Variants in PPP1R14D observed in about 807,000 individuals in gnomAD.
The protein encoded by PPP1R14D is protein phosphatase 1 regulatory inhibitor subunit 14D.
A neutral mutation model predicts 17.1 loss-of-function variants in PPP1R14D; 14 were observed. The ratio of observed to expected loss-of-function variants is 0.82; its 90% confidence interval spans 0.54 to 1.28. The LOEUF is 1.28. PPP1R14D is among the 50% of genes most tolerant of loss of function. The probability of loss-of-function intolerance (pLI) is 0.00; values close to 1 mark genes in which losing one functional copy is unlikely to be tolerated. For synonymous variants in PPP1R14D, 67 were observed against 66.1 expected (o/e 1.01, Z -0.06); for missense variants, 173 against 179.2 (o/e 0.97, Z 0.20).
chr15:40,817,173 G>A (rs12148058), intron 1 of PPP1R14D: 65,968 of 210,478 alleles, frequency 0.31, 11,843 homozygotes, highest in South Asian at 0.47. Context: ...CCTGGCCAAC[G>A]TGGTAAAACC....
intron 1 of PPP1R14D, among the ~76,000 whole-genome samples, chr15:40,819,696 G>GT (rs1006209739): frequency 6.6e-6 from 1 of 152,098 alleles, no homozygotes; most frequent in East Asian, 1.9e-4. Flanking sequence ...GAGATTTTCA[G>GT]TTTTTTTCTT....
intron 1 of PPP1R14D, among the ~76,000 whole-genome samples, chr15:40,821,097 G>A (rs1275117151): frequency 6.6e-6 from 1 of 151,946 alleles, no homozygotes; most frequent in African/African-American, 2.4e-5. Flanking sequence ...TAGCACTTCG[G>A]AGGCCGAGGT....
chr15:40,820,073 T>C (rs1314903545), intron 1 of PPP1R14D, among the ~76,000 whole-genome samples: 1 of 149,906 alleles, frequency 6.7e-6, no homozygotes. Context: ...TCCATGTTGG[T>C]CAGGCTGGTC....
At chr15:40,818,288 CA>C (rs764375543) in intron 1 of PPP1R14D, among the ~76,000 whole-genome samples, 1,933 of 37,200 alleles carry the variant, frequency 0.052, 10 homozygotes, top group East Asian at 0.16. Context: ...GACTCCATCT[CA>C]AAAAAAAAAA....
Position 40,816,185 on chromosome 15 carries a change from C to T in PPP1R14D, c.324G>A (p.Gln108=), listed in dbSNP as rs770798228. ...CCCATCCTACCTCCAGCTGAGTCTT[C>T]TGCTCCTCTGTGGATAGATCCATGA... is the stretch of plus-strand genomic sequence containing the variant. The part of the protein sequence containing the change: ...EALMDLSTEE[Q]KTQLEAILGN... The change falls in exon 2 of 4, where the codon CAG becomes CAA. Residue 108 remains glutamine (Q), a synonymous_variant. Transcript: ENST00000299174. 6 of 1,614,154 alleles carry T rather than the reference C, an allele frequency of 3.7e-6. No homozygotes were observed. The highest frequency in any genetic ancestry group is 5.1e-6 in the Non-Finnish European group (6 of 1,180,002).
At chr15:40,818,604 AAAG>A (rs139396707) in intron 1 of PPP1R14D, among the ~76,000 whole-genome samples, 3,504 of 152,260 alleles carry the variant, frequency 0.023, 129 homozygotes, top group African/African-American at 0.08. Flanking sequence ...GTCTCAAAAA[AAAG>A]AAGAAGCCAA....
chr15:40,817,213 TG>T, intron 1 of PPP1R14D: 1 of 293,202 alleles, frequency 3.4e-6, no homozygotes, highest in South Asian at 2.5e-5. Flanking sequence ...AAAAATTAGC[TG>T]GGTGTGGTTG....
At chr15:40,819,243 G>A (rs1890728406) in intron 1 of PPP1R14D, among the ~76,000 whole-genome samples, 1 of 152,148 alleles carries the variant, frequency 6.6e-6, no homozygotes, top group South Asian at 2.1e-4. Context: ...TGTTGCTTTT[G>A]CATTATCAGC....
At chr15:40,818,956 G>A (rs1179668643) in intron 1 of PPP1R14D, among the ~76,000 whole-genome samples, 1 of 152,108 alleles carries the variant, frequency 6.6e-6, no homozygotes, top group African/African-American at 2.4e-5. Context: ...ATATGTGGCG[G>A]CAGGGAGATA....
In PPP1R14D at chr15:40,823,705, A is replaced by AGGTGTAGTAG. The variant is rs1890822892; in HGVS notation, c.255+4681_255+4682insCTACTACACC. 2.0e-5 allele frequency among the ~76,000 whole-genome samples: 3 copies of AGGTGTAGTAG among 152,316 alleles called. No homozygotes were observed. In the East Asian group the frequency reaches 5.8e-4, roughly 29 times the overall value. ...CCTAGGAATAATAGCTACACCATAT[A>AGGTGTAGTAG]GCCTACATGTGTGGTAGGCTATACC... is the stretch of plus-strand genomic sequence containing the variant. On this transcript the variant is annotated intron_variant, in intron 1 of 3. Transcript: ENST00000299174.
At chr15:40,816,094 C>T in intron 2 of PPP1R14D, 76 bp downstream of exon 2, 1 of 1,601,560 alleles carries the variant, frequency 6.2e-7, no homozygotes, top group Non-Finnish European at 8.6e-7. Context: ...TGGTTCTCTG[C>T]ACTCCACCAA....
rs200032168 is a variant in PPP1R14D at position 40,816,242 on chromosome 15, G to A, written c.267C>T (p.Thr89=). 6.2e-7 allele frequency: 1 copy of A among 1,614,064 alleles called. No individual in the cohort carries two copies. The highest frequency in any genetic ancestry group is 8.5e-7 in the Non-Finnish European group (1 of 1,179,976). Reference sequence around the variant, plus strand: ...CCAGGTCAATCTCAGGCTCAGAAGGGGTTGCTTGATCCTATTTGGAAATCA... The same window carrying A: ...CCAGGTCAATCTCAGGCTCAGAAGGAGTTGCTTGATCCTATTTGGAAATCA... The part of the protein sequence containing the change: ...QVQELFQDQA[T]PSEPEIDLEA... Residue 89 remains threonine (T), a synonymous_variant, in exon 2 of 4, where the codon ACC becomes ACT. Transcript: ENST00000299174.
intron 1 of PPP1R14D, among the ~76,000 whole-genome samples, chr15:40,821,023 T>TAAA (rs1390836640): frequency 8.5e-6 from 1 of 118,202 alleles, no homozygotes; most frequent in Non-Finnish European, 1.7e-5. Flanking sequence ...TCTTCTCCAT[T>TAAA]AAAAAAAAAA....
In PPP1R14D at chr15:40,815,495, T is replaced by C. The variant is rs903528944; in HGVS notation, c.*201A>G. The C allele has an allele frequency of 6.7e-5, 43 of 642,686 alleles. No homozygotes were observed. Among genetic ancestry groups the C allele is most frequent in the Non-Finnish European group, 1.0e-4 (38 of 381,124 alleles). 39.8% of individuals were successfully genotyped at this position (642,686 alleles called of 1,614,324 possible). A position where few individuals can be genotyped will look rare whatever the true frequency, so the allele number is the denominator to read the frequency against. Reference sequence around the variant, plus strand: ...ATCCACTTGGCTGCCAAGGAAGGCATTGGACAACAGCCAGCTTTCTCCCAG... The same window carrying C: ...ATCCACTTGGCTGCCAAGGAAGGCACTGGACAACAGCCAGCTTTCTCCCAG... On this transcript the variant is annotated 3_prime_UTR_variant, in exon 4 of 4. Coordinates refer to ENST00000299174, the MANE Select transcript of PPP1R14D (RefSeq NM_017726.8).
In PPP1R14D at chr15:40,815,591, A is replaced by G. The variant is rs775659313; in HGVS notation, c.*105T>C. The G allele has an allele frequency of 1.4e-4, 197 of 1,379,072 alleles. No individual in the cohort carries two copies. The highest frequency in any genetic ancestry group is 1.8e-4 in the Non-Finnish European group (186 of 1,006,000). 85.4% of individuals were successfully genotyped at this position (1,379,072 alleles called of 1,614,324 possible). On this transcript the variant is annotated 3_prime_UTR_variant, in exon 4 of 4. Coordinates refer to ENST00000299174, the MANE Select transcript of PPP1R14D (RefSeq NM_017726.8). ...AGTATGCAAATGTCCCTCCTTGTCC[A>G]CATTTCTTGTTTGTGTCCCAAGGAG...
chr15:40,815,802 A>G lies in PPP1R14D; in HGVS notation c.373-41T>C, dbSNP rs200833224. The G allele has an allele frequency of 1.9e-4, 292 of 1,555,354 alleles. No individual in the cohort carries two copies. In the African/African-American group the frequency reaches 3.6e-3, roughly 19 times the overall value. On this transcript the variant is annotated intron_variant, in intron 3 of 3. Transcript: ENST00000299174. ...GAGTGAGACCAGGCTTGGGGTCACAATTCACCCCCCACCCTGCCCTCCCTA... is the reference window on the plus strand; with the variant it reads ...GAGTGAGACCAGGCTTGGGGTCACAGTTCACCCCCCACCCTGCCCTCCCTA...
Position 40,828,493 on chromosome 15 carries a change from C to T in PPP1R14D, c.149G>A (p.Arg50Lys). ...KSHPDSSKIP[R>K]SRRPSRLTVK... ...TGTCAGGCGGCTGGGTCTCCGGGAC[C>T]TGGGTATCTTGGAGGAGTCCGGGTG... The change falls in exon 1 of 4, where the codon AGG becomes AAG. Residue 50 changes from arginine to lysine, a missense_variant. Physicochemically the swap from Arg to Lys is conservative, Grantham distance 26 (BLOSUM62 2). Coordinates refer to ENST00000299174, the MANE Select transcript of PPP1R14D (RefSeq NM_017726.8). 3 of 1,614,220 alleles carry T rather than the reference C, an allele frequency of 1.9e-6. No homozygotes were observed. The highest frequency in any genetic ancestry group is 1.1e-5 in the South Asian group (1 of 91,080).
intron 1 of PPP1R14D, among the ~76,000 whole-genome samples, chr15:40,821,101 C>T (rs1291630861): frequency 1.3e-5 from 2 of 151,802 alleles, no homozygotes; most frequent in African/African-American, 4.8e-5. Flanking sequence ...ACTTCGGAGG[C>T]CGAGGTGGGG....
chr15:40,820,882 T>G (rs1190447221), intron 1 of PPP1R14D, among the ~76,000 whole-genome samples: 3 of 144,702 alleles, frequency 2.1e-5, no homozygotes, highest in African/African-American at 2.7e-5. Context: ...AAAATATAAA[T>G]AAAGAAAGAA....
Sources: allele counts gnomAD v4.1 joint callset (sites outside exome capture counted in the v4.1 genomes callset), GRCh38; gene constraint gnomAD v4.1.1; transcripts MANE v1.5; gene names NCBI Gene and HGNC (gene_info 2026-07-23, HGNC 2026-07-21).